The following GAS2L3 variants were observed in gnomAD, a reference collection of about 807,000 sequenced individuals.
GAS2L3 encodes growth arrest specific 2 like 3, also known as GAS2-like protein 3.
In GAS2L3, 28 loss-of-function variants were observed where a neutral mutation model predicts 37.0. The observed-to-expected ratio is 0.76, with a 90% CI of 0.56 to 1.04. The LOEUF is 1.04. Among genes scored for constraint, GAS2L3 ranks in the 50% least tolerant of loss-of-function variants. GAS2L3 has a pLI of 0.00. For missense variants in GAS2L3, 793 were observed against 817.6 expected (o/e 0.97, Z 0.37); for synonymous variants, 290 against 296.6 (o/e 0.98, Z 0.23).
At chr12:100,592,672 G>A (rs1427434354) in intron 2 of GAS2L3, among the ~76,000 whole-genome samples, 1 of 152,004 alleles carries the variant, frequency 6.6e-6, no homozygotes, top group Non-Finnish European at 1.5e-5. Context: ...CATTTTCCTC[G>A]GATTTTAAAA....
At chr12:100,579,381 T>C (rs35708) in intron 1 of GAS2L3, 499,585 of 866,684 alleles carry the variant, frequency 0.58, 148,426 homozygotes, top group East Asian at 0.75. Context: ...GTAGATCCTA[T>C]TGACTTCACT....
rs759870028 is a variant in GAS2L3 at position 100,624,815 on chromosome 12, A to G, written c.2010A>G (p.Lys670=). 5 of 1,613,522 alleles carry G rather than the reference A, an allele frequency of 3.1e-6. No homozygotes were observed. The highest frequency in any genetic ancestry group is 4.2e-6 in the Non-Finnish European group (5 of 1,179,686). Residue 670 remains lysine (K), a synonymous_variant, in exon 10 of 10, where the codon AAA becomes AAG. Transcript: ENST00000547754. ...TTAAGGATGCAGATAGTGGAGATAA[A>G]AAACCTACTGCAAAGAAAAAGGAAG... ...SSVKDADSGD[K]KPTAKKKEDD...
intron 1 of GAS2L3, among the ~76,000 whole-genome samples, chr12:100,585,054 ATTTTTTT>A (rs34714372): frequency 8.4e-6 from 1 of 118,626 alleles, no homozygotes; most frequent in African/African-American, 3.2e-5. Context: ...ACACCTGGCT[ATTTTTTT>A]TTTTTTTTTT....
Position 100,622,934 on chromosome 12 carries a change from T to A in GAS2L3, c.756+552T>A, listed in dbSNP as rs114089414. Among the ~76,000 whole-genome samples the A allele has an allele frequency of 3.3e-3, 496 of 152,218 alleles. 4 individuals are homozygous for A. The highest frequency in any genetic ancestry group is 0.011 in the African/African-American group (464 of 41,544). ...TGTCCCATCTACAGTTGATTAATTG[T>A]TCCTTTTGTTGGTAAGGAGATTGAA... On this transcript the variant is annotated intron_variant, in intron 9 of 9. Coordinates refer to ENST00000547754, the MANE Select transcript of GAS2L3 (RefSeq NM_174942.3).
intron 5 of GAS2L3, among the ~76,000 whole-genome samples, chr12:100,607,259 G>T (rs150038048): frequency 1.3e-5 from 2 of 152,092 alleles, no homozygotes; most frequent in Non-Finnish European, 2.9e-5. Flanking sequence ...CTCTCTCCTG[G>T]CCTGTAAGGT....
intron 3 of GAS2L3, among the ~76,000 whole-genome samples, chr12:100,595,243 A>G (rs1260739048): frequency 6.6e-6 from 1 of 151,926 alleles, no homozygotes; most frequent in Non-Finnish European, 1.5e-5. Context: ...AAGAGGTGGA[A>G]TATTTTGTGG....
At position 100,624,800 on chromosome 12, in the gene GAS2L3, A is replaced by T. The variant is rs113039944; in HGVS notation, c.1995A>T (p.Ala665=). The T allele has an allele frequency of 1.9e-6, 3 of 1,613,852 alleles. No homozygotes were observed. In the Admixed American group the frequency reaches 5.0e-5, roughly 27 times the overall value. Residue 665 remains alanine, a synonymous_variant, in exon 10 of 10, where the codon GCA becomes GCT. Coordinates refer to ENST00000547754, the MANE Select transcript of GAS2L3 (RefSeq NM_174942.3). ...AACCACCCTCATCTGTTAAGGATGC[A>T]GATAGTGGAGATAAAAAACCTACTG... ...IRKPPSSVKD[A]DSGDKKPTAK...
chr12:100,575,595 C>T (rs1431324512), intron 1 of GAS2L3, among the ~76,000 whole-genome samples: 1 of 149,348 alleles, frequency 6.7e-6, no homozygotes, highest in Admixed American at 6.8e-5. Flanking sequence ...GATTCTCCTG[C>T]CTCAGCCTCC....
intron 1 of GAS2L3, chr12:100,580,268 T>G (rs1344963170): frequency 2.2e-6 from 1 of 448,470 alleles, no homozygotes; most frequent in East Asian, 3.3e-5. Context: ...ATAACCTGCT[T>G]TTTGGGGGCT....
At chr12:100,609,951 T>C (rs909202376) in intron 5 of GAS2L3, among the ~76,000 whole-genome samples, 2 of 152,242 alleles carry the variant, frequency 1.3e-5, no homozygotes, top group African/African-American at 4.8e-5. Context: ...TTTAAGACTG[T>C]CTTTCCTGCC....
intron 1 of GAS2L3, among the ~76,000 whole-genome samples, chr12:100,575,663 A>G (rs1955627503): frequency 6.6e-6 from 1 of 151,694 alleles, no homozygotes; most frequent in Non-Finnish European, 1.5e-5. Context: ...GTATTTTGGT[A>G]GACACGGGGT....
chr12:100,578,571 A>T (rs1593156010), intron 1 of GAS2L3: 1 of 183,240 alleles, frequency 5.5e-6, no homozygotes, highest in Non-Finnish European at 1.1e-5. Flanking sequence ...TTTTGGATAC[A>T]TATTACTTTC....
At chr12:100,610,771 C>CA (rs1000024468) in intron 5 of GAS2L3, among the ~76,000 whole-genome samples, 3 of 151,866 alleles carry the variant, frequency 2.0e-5, no homozygotes, top group African/African-American at 7.3e-5. Flanking sequence ...CAAACCAAAA[C>CA]AAAAAAATCT....
chr12:100,623,732 C>A lies in GAS2L3; in HGVS notation c.927C>A (p.Ala309=). 1 of 1,613,924 alleles carries A rather than the reference C, an allele frequency of 6.2e-7. No homozygotes were observed. Among genetic ancestry groups the A allele is most frequent in the Non-Finnish European group, 8.5e-7 (1 of 1,179,932 alleles). ...VSNESVPDSP[A]RTPQPPEMNP... ...ATGAAAGTGTACCTGATTCGCCTGC[C>A]AGAACACCTCAGCCTCCTGAAATGA... Residue 309 remains alanine, a synonymous_variant, in exon 10 of 10, where the codon GCC becomes GCA. Coordinates refer to ENST00000547754, the MANE Select transcript of GAS2L3 (RefSeq NM_174942.3).
chr12:100,622,868 T>G (rs1031975909), intron 9 of GAS2L3, among the ~76,000 whole-genome samples: 3 of 150,966 alleles, frequency 2.0e-5, no homozygotes, highest in Non-Finnish European at 2.9e-5. Flanking sequence ...AGAATCAGTA[T>G]GTATACCAGT....
intron 6 of GAS2L3, among the ~76,000 whole-genome samples, chr12:100,613,240 C>T (rs10860609): frequency 0.16 from 24,337 of 152,194 alleles, 2,848 homozygotes; most frequent in East Asian, 0.48. Context: ...GGCATCTTCT[C>T]ACTCTCCTGA....
intron 1 of GAS2L3, among the ~76,000 whole-genome samples, chr12:100,580,422 ACATTTAAAC>A (rs1955696131): frequency 6.6e-6 from 1 of 152,374 alleles, no homozygotes; most frequent in South Asian, 2.1e-4. Context: ...TTAGAAGAGA[ACATTTAAAC>A]CATTCAGGTA....
In GAS2L3 at chr12:100,624,644, G is replaced by A; in HGVS notation, c.1839G>A (p.Leu613=). The A allele has an allele frequency of 6.2e-7, 1 of 1,614,076 alleles. No homozygotes were observed. Among genetic ancestry groups the A allele is most frequent in the Non-Finnish European group, 8.5e-7 (1 of 1,179,998 alleles). Residue 613 remains leucine, a synonymous_variant, in exon 10 of 10, where the codon CTG becomes CTA. Coordinates refer to ENST00000547754, the MANE Select transcript of GAS2L3 (RefSeq NM_174942.3). Reference sequence around the variant, plus strand: ...TGAAGTCTCCTGGCCGTACCCCACTGTCCATCGTGAGCCTACCCCAGTCTT... The same window carrying A: ...TGAAGTCTCCTGGCCGTACCCCACTATCCATCGTGAGCCTACCCCAGTCTT... ...SSLKSPGRTP[L]SIVSLPQSST... is the part of the protein sequence containing the mutation.
chr12:100,577,240 C>A (rs1955648371), intron 1 of GAS2L3, among the ~76,000 whole-genome samples: 1 of 152,082 alleles, frequency 6.6e-6, no homozygotes, highest in Non-Finnish European at 1.5e-5. Context: ...GTATGAATGT[C>A]CCATTAGTTA....
Sources: gnomAD v4.1 joint callset for allele counts (sites outside exome capture counted in the v4.1 genomes callset) on GRCh38, gnomAD v4.1.1 for gene constraint, MANE v1.5 for transcripts, NCBI Gene and HGNC (gene_info 2026-07-23, HGNC 2026-07-21) for gene names.